Variants in PTPRN2 observed in about 807,000 individuals in gnomAD.
PTPRN2 encodes the protein protein tyrosine phosphatase receptor type N2.
A neutral mutation model predicts 118.8 loss-of-function variants in PTPRN2; 74 were observed. The observed-to-expected ratio is 0.62, with a 90% CI of 0.52 to 0.76. The LOEUF (loss-of-function observed/expected upper bound fraction) is 0.76, where lower values mean the gene tolerates loss of function less well. PTPRN2 is among the 30% of genes least tolerant of loss of function. The pLI, the probability that PTPRN2 is intolerant of heterozygous loss-of-function variation, is 0.00. For synonymous variants in PTPRN2, 641 were observed against 608.0 expected (o/e 1.05, Z -0.80); for missense variants, 1,481 against 1,394.4 (o/e 1.06, Z -0.99).
At chr7:158,190,167 T>C (rs986786702) in intron 5 of PTPRN2, among the ~76,000 whole-genome samples, 1 of 152,198 alleles carries the variant, frequency 6.6e-6, no homozygotes, top group African/African-American at 2.4e-5. Context: ...CACGTGGCTC[T>C]CATGACACCT....
chr7:158,158,060 A>ATTT lies in PTPRN2; in HGVS notation c.910+8868_910+8870dup, dbSNP rs572206151. On this transcript the variant is annotated intron_variant, in intron 6 of 22. Transcript: ENST00000389418. ...TGATTAGGTGGCCAATTCTCTTCTA[A>ATTT]TTTTTTTTTTTTAAGCCAAGAGGCG... Among the ~76,000 whole-genome samples, 789 of 148,848 alleles carry ATTT rather than the reference A, an allele frequency of 5.3e-3. 11 individuals are homozygous for ATTT. The highest frequency in any genetic ancestry group is 0.011 in the African/African-American group (439 of 40,650).
chr7:158,518,248 G>C (rs771481067), intron 1 of PTPRN2, among the ~76,000 whole-genome samples: 1 of 151,972 alleles, frequency 6.6e-6, no homozygotes, highest in Non-Finnish European at 1.5e-5. Context: ...CATTAATAGA[G>C]ACGATATGGA....
chr7:158,396,452 T>C (rs796890054), intron 2 of PTPRN2, among the ~76,000 whole-genome samples: 3 of 150,136 alleles, frequency 2.0e-5, no homozygotes, highest in African/African-American at 7.4e-5. Context: ...GTCACGTGTG[T>C]GCACGCGTGT....
chr7:158,273,459 CGCAGGGGG>C (rs1798659613), intron 3 of PTPRN2, among the ~76,000 whole-genome samples: 14 of 142,622 alleles, frequency 9.8e-5, no homozygotes, highest in African/African-American at 3.4e-4. Flanking sequence ...GAGCCGCAGA[CGCAGGGGG>C]AGCCGCAGGC....
At chr7:158,349,981 G>T (rs1241455541) in intron 2 of PTPRN2, among the ~76,000 whole-genome samples, 1 of 152,166 alleles carries the variant, frequency 6.6e-6, no homozygotes, top group Non-Finnish European at 1.5e-5. Context: ...GTTCCCCTTT[G>T]CAGACTAGGT....
chr7:158,144,071 T>C (rs1418040062), intron 6 of PTPRN2, among the ~76,000 whole-genome samples: 1 of 152,202 alleles, frequency 6.6e-6, no homozygotes, highest in Non-Finnish European at 1.5e-5. Context: ...ACCGTTCTTC[T>C]GCAAGGCCCT....
At chr7:158,130,439 TAC>T (rs1156484525) in intron 9 of PTPRN2, among the ~76,000 whole-genome samples, 5 of 123,772 alleles carry the variant, frequency 4.0e-5, no homozygotes, top group Non-Finnish European at 6.6e-5. Context: ...CACACGTACA[TAC>T]AGATACACAT....
chr7:158,569,418 G>T (rs1827842890), intron 1 of PTPRN2, among the ~76,000 whole-genome samples: 1 of 152,262 alleles, frequency 6.6e-6, no homozygotes, highest in Non-Finnish European at 1.5e-5. Flanking sequence ...AGATGCGCCC[G>T]CTTGGGCGGA....
intron 6 of PTPRN2, among the ~76,000 whole-genome samples, chr7:158,158,038 T>C (rs1022837190): frequency 1.6e-4 from 24 of 151,974 alleles, no homozygotes; most frequent in African/African-American, 5.8e-4. Context: ...GTGCCAGTGA[T>C]TAGGTGGCCA....
At chr7:157,800,236 G>A (rs531729124) in intron 12 of PTPRN2, among the ~76,000 whole-genome samples, 53 of 152,312 alleles carry the variant, frequency 3.5e-4, no homozygotes, top group African/African-American at 1.0e-3. Flanking sequence ...GTTTCTCCCC[G>A]GGGTCTTTCC....
Position 158,246,000 on chromosome 7 carries a change from G to A in PTPRN2, c.278-40727C>T, listed in dbSNP as rs868243747. 1.3e-4 allele frequency among the ~76,000 whole-genome samples: 20 copies of A among 152,112 alleles called. 1 individual carries two copies. Among genetic ancestry groups the A allele is most frequent in the Admixed American group, 4.6e-4 (7 of 15,270 alleles). On this transcript the variant is annotated intron_variant, in intron 3 of 22. Transcript: ENST00000389418. ...AAATCAGGGCCTGGTTGGCAGCAGC[G>A]AGACCGTCAGGGTGCCCTCCCCACC...
rs1014988965 is a variant in PTPRN2 at position 158,555,614 on chromosome 7, C to T, written c.112+31944G>A. Among the ~76,000 whole-genome samples the T allele has an allele frequency of 9.9e-5, 15 of 152,212 alleles. No homozygotes were observed. The highest frequency in any genetic ancestry group is 6.5e-5 in the Admixed American group (1 of 15,270). ...TCTTCCAGCTGTCCCCCAGACCCAG[C>T]CTCCCTCAGCTCCCATGGCAGGGTT... On this transcript the variant is annotated intron_variant, in intron 1 of 22. Transcript: ENST00000389418. The surrounding 1 kb of genome is among the most constrained non-coding windows in gnomAD (Gnocchi z 4.7).
At chr7:158,333,924 C>CTCATCACTCACACTCACAT (rs1805044049) in intron 2 of PTPRN2, among the ~76,000 whole-genome samples, 1 of 73,716 alleles carries the variant, frequency 1.4e-5, no homozygotes, top group East Asian at 4.4e-4. Context: ...CACACCCACA[C>CTCATCACTCACACTCACAT]TCTCACCATA....
At chr7:157,879,344 C>T (rs1228906492) in intron 12 of PTPRN2, among the ~76,000 whole-genome samples, 1 of 152,196 alleles carries the variant, frequency 6.6e-6, no homozygotes, top group Non-Finnish European at 1.5e-5. Flanking sequence ...CACCCCCCAA[C>T]ACGCACACCC....
At chr7:157,745,873 C>A (rs1800894725) in intron 12 of PTPRN2, among the ~76,000 whole-genome samples, 1 of 152,098 alleles carries the variant, frequency 6.6e-6, no homozygotes, top group Admixed American at 6.5e-5. Context: ...CTGCAGGATG[C>A]ACTCAGCACG....
rs552348495 is a variant in PTPRN2 at position 157,611,250 on chromosome 7, A to G, written c.2345-7175T>C. ...AGATCTCTCAGAAAGTCGCCCCCCA[A>G]TGGGATCGGAAGCATGTTGGGCAGG... On this transcript the variant is annotated intron_variant, in intron 15 of 22. Transcript: ENST00000389418. The surrounding 1 kb of genome is among the most constrained non-coding windows in gnomAD (Gnocchi z 5.9). Among the ~76,000 whole-genome samples the G allele has an allele frequency of 5.2e-4, 79 of 152,112 alleles. No homozygotes were observed. Among genetic ancestry groups the G allele is most frequent in the Non-Finnish European group, 9.9e-4 (67 of 67,990 alleles).
chr7:157,921,266 C>T (rs1265706750), intron 11 of PTPRN2, among the ~76,000 whole-genome samples: 1 of 152,144 alleles, frequency 6.6e-6, no homozygotes, highest in African/African-American at 2.4e-5. Flanking sequence ...CTAAGACGTT[C>T]TGGAAAAGAA....
chr7:157,825,476 T>G (rs1168426026), intron 12 of PTPRN2, among the ~76,000 whole-genome samples: 2 of 152,226 alleles, frequency 1.3e-5, no homozygotes, highest in Non-Finnish European at 2.9e-5. Context: ...ACTTTTATTT[T>G]TTATTTTCTG....
chr7:158,468,985 C>T (rs1478378385), intron 2 of PTPRN2, among the ~76,000 whole-genome samples: 46 of 151,660 alleles, frequency 3.0e-4, no homozygotes, highest in African/African-American at 1.1e-3. Flanking sequence ...CTATGCACAC[C>T]CATGCACACT....
Sources: gnomAD v4.1 joint callset for allele counts (sites outside exome capture counted in the v4.1 genomes callset) on GRCh38, gnomAD v4.1.1 for gene constraint, Gnocchi (gnomAD v3.1) non-coding constraint, MANE v1.5 for transcripts, NCBI Gene and HGNC (gene_info 2026-07-23, HGNC 2026-07-21) for gene names.